The following TLCD2 variants were observed in gnomAD, a reference collection of about 807,000 sequenced individuals.
TLCD2 encodes TLC domain containing 2, also known as TLC domain-containing protein 2.
In TLCD2, 12 loss-of-function variants were observed where a neutral mutation model predicts 14.0. That is an observed-to-expected ratio of 0.86 (90% CI 0.55 to 1.39). The LOEUF (loss-of-function observed/expected upper bound fraction) is 1.39. Among genes scored for constraint, TLCD2 ranks in the 40% most tolerant of loss-of-function variants. TLCD2 has a pLI of 0.00. For synonymous variants in TLCD2, 166 were observed against 156.5 expected (o/e 1.06, Z -0.45); for missense variants, 360 against 346.8 (o/e 1.04, Z -0.30).
At position 1,709,692 on chromosome 17, in the gene TLCD2, A is replaced by G; in HGVS notation, c.260-111T>C. The stretch of plus-strand genomic sequence containing the variant: ...CCAGTTCTTAGTTTTCCCTTGGTAA[A>G]GCCTTCAGGAACGTTTAACCCCCAT... On this transcript the variant is annotated intron_variant, in intron 2 of 3. Coordinates refer to ENST00000330676, the MANE Select transcript of TLCD2 (RefSeq NM_001164407.2). The G allele has an allele frequency of 2.5e-6, 3 of 1,221,132 alleles. No individual in the cohort carries two copies. The Admixed American group carries it at 6.0e-5, about 24-fold the overall frequency. The allele number at this position is 1,221,132 out of a possible 1,614,324, so 75.6% of individuals were successfully genotyped here. A position where few individuals can be genotyped will look rare whatever the true frequency, so the allele number is the denominator to read the frequency against.
At position 1,707,518 on chromosome 17, in the gene TLCD2, T is replaced by G; in HGVS notation, c.*252A>C. Reference sequence around the variant, plus strand: ...TACTGATAGCTCTAGCTGTACCTCTTGAGTTTATTTGCTGGAAAGGATGCT... The same window carrying G: ...TACTGATAGCTCTAGCTGTACCTCTGGAGTTTATTTGCTGGAAAGGATGCT... On this transcript the variant is annotated 3_prime_UTR_variant, in exon 4 of 4. Transcript: ENST00000330676. 2.1e-6 allele frequency: 1 copy of G among 476,040 alleles called. No homozygotes were observed. Among genetic ancestry groups the G allele is most frequent in the Non-Finnish European group, 3.7e-6 (1 of 271,110 alleles). 29.5% of individuals were successfully genotyped at this position (476,040 alleles called of 1,614,324 possible).
Position 1,709,870 on chromosome 17 carries a change from G to C in TLCD2, c.193C>G (p.Gln65Glu), listed in dbSNP as rs573812115. ...CCATGGATGGGGTCGGCGGCCATCTGAGGGTACAGTGACAGGCTGGGGGCA... is the reference window on the plus strand; with the variant it reads ...CCATGGATGGGGTCGGCGGCCATCTCAGGGTACAGTGACAGGCTGGGGGCA... ...GALLGLSLYP[Q>E]MAADPIHGHP... The change falls in exon 2 of 4, where the codon CAG (glutamine) becomes GAG (glutamate). Residue 65 changes from glutamine (Q) to glutamate (E), a missense_variant. By Grantham distance (29) the Gln-to-Glu change is conservative. Transcript: ENST00000330676. 2,333 of 1,534,630 alleles carry C rather than the reference G, an allele frequency of 1.5e-3. 2 individuals are homozygous for C. The highest frequency in any genetic ancestry group is 1.7e-3 in the Admixed American group (87 of 50,972).
intron 3 of TLCD2, 72 bp from the exon 4 acceptor site, chr17:1,708,294 G>A: frequency 1.6e-6 from 2 of 1,215,070 alleles, no homozygotes; most frequent in Non-Finnish European, 2.2e-6. Context: ...ACCCAGGCCT[G>A]AAGAAAGAGG....
Position 1,710,010 on chromosome 17 carries a change from C to T in TLCD2, c.176+57G>A, listed in dbSNP as rs1161762348. On this transcript the variant is annotated intron_variant, in intron 1 of 3. Transcript: ENST00000330676. This position sits in a 1 kb window ranked among gnomAD's most constrained non-coding sequence, Gnocchi z 6.1. ...TGGAGACGCCCGGCGGGTCTCCCGGCCTCAGCCTCCCACCCCTCGCCCTCG... is the reference window on the plus strand; with the variant it reads ...TGGAGACGCCCGGCGGGTCTCCCGGTCTCAGCCTCCCACCCCTCGCCCTCG... 3.4e-5 allele frequency: 51 copies of T among 1,520,280 alleles called. No individual in the cohort carries two copies. The highest frequency in any genetic ancestry group is 4.0e-5 in the Non-Finnish European group (46 of 1,139,492). 94.2% of individuals were successfully genotyped at this position (1,520,280 alleles called of 1,614,324 possible). A position where few individuals can be genotyped will look rare whatever the true frequency, so the allele number is the denominator to read the frequency against.
rs528853454 is a variant in TLCD2 at position 1,705,149 on chromosome 17, T to C, written c.*2621A>G. 6.6e-6 allele frequency: 1 copy of C among 152,464 alleles called. No individual in the cohort carries two copies. Among genetic ancestry groups the C allele is most frequent in the African/African-American group, 2.4e-5 (1 of 41,576 alleles). The allele number at this position is 152,464 out of a possible 1,614,324, so 9.4% of individuals were successfully genotyped here. A position where few individuals can be genotyped will look rare whatever the true frequency, so the allele number is the denominator to read the frequency against. On this transcript the variant is annotated 3_prime_UTR_variant, in exon 4 of 4. Transcript: ENST00000330676. ...CTACCAGTCTCTGCCGACCGGTTAC[T>C]GTCAGCCTGTCTTTAGGGTTTGCGC...
In TLCD2 at chr17:1,705,331, T is replaced by G. The variant is rs983004558; in HGVS notation, c.*2439A>C. 1.3e-5 allele frequency: 2 copies of G among 152,662 alleles called. No homozygotes were observed. The highest frequency in any genetic ancestry group is 4.8e-5 in the African/African-American group (2 of 41,472). 9.5% of individuals were successfully genotyped at this position (152,662 alleles called of 1,614,324 possible). On this transcript the variant is annotated 3_prime_UTR_variant, in exon 4 of 4. Coordinates refer to ENST00000330676, the MANE Select transcript of TLCD2 (RefSeq NM_001164407.2). ...TCTTCTCTGTTCCCACCTCTCCTCT[T>G]GCTCTTCTGATCTCTCTATCTGCCA...
intron 2 of TLCD2, 111 bp downstream of exon 2, chr17:1,709,693 G>T: frequency 2.3e-6 from 2 of 854,146 alleles, no homozygotes; most frequent in East Asian, 5.2e-5. Context: ...CCTTGGTAAA[G>T]CCTTCAGGAA....
In TLCD2 at chr17:1,710,350, C is replaced by T. The variant is rs1038525208; in HGVS notation, c.-108G>A. The T allele has an allele frequency of 5.3e-6, 5 of 942,498 alleles. No individual in the cohort carries two copies. Among genetic ancestry groups the T allele is most frequent in the Non-Finnish European group, 7.4e-6 (5 of 674,588 alleles). The allele number at this position is 942,498 out of a possible 1,614,324, so 58.4% of individuals were successfully genotyped here. A position where few individuals can be genotyped will look rare whatever the true frequency, so the allele number is the denominator to read the frequency against. ...CCCGGCAGGGCTGGGGCCCCGGCTC[C>T]CCTCCCCGCCGCGCCTTTGGGATCA... On this transcript the variant is annotated 5_prime_UTR_variant, in exon 1 of 4. Coordinates refer to ENST00000330676, the MANE Select transcript of TLCD2 (RefSeq NM_001164407.2). The surrounding 1 kb of genome is among the most constrained non-coding windows in gnomAD (Gnocchi z 6.1).
In TLCD2 at chr17:1,708,203, G is replaced by A. The variant is rs1914099552; in HGVS notation, c.362C>T (p.Thr121Ile). The A allele has an allele frequency of 1.3e-6, 2 of 1,528,274 alleles. No homozygotes were observed. The highest frequency in any genetic ancestry group is 1.8e-6 in the Non-Finnish European group (2 of 1,141,582). The allele number at this position is 1,528,274 out of a possible 1,614,324, so 94.7% of individuals were successfully genotyped here. ...HHLVVVSCLS[T>I]AVLSGHYVGF... is the part of the protein sequence containing the mutation. ...CACGTAGTGGCCAGACAGAACAGCGGTGCTGAGGCAGCTCACCACCTGGGA... is the reference window on the plus strand; with the variant it reads ...CACGTAGTGGCCAGACAGAACAGCGATGCTGAGGCAGCTCACCACCTGGGA... The change falls in exon 4 of 4, where the codon ACC becomes ATC. Residue 121 changes from threonine to isoleucine, a missense_variant. Thr to Ile is a moderately conservative substitution (Grantham distance 89, BLOSUM62 -1). Transcript: ENST00000330676.
Position 1,708,064 on chromosome 17 carries a change from C to T in TLCD2, c.501G>A (p.Trp167Ter), listed in dbSNP as rs1318918572. The T allele has an allele frequency of 3.9e-6, 6 of 1,537,102 alleles. No individual in the cohort carries two copies. Among genetic ancestry groups the T allele is most frequent in the Admixed American group, 3.9e-5 (2 of 50,974 alleles). ...APSLAFSVTS[W>*]ASLATLALFR... ...AGAGGGCCAAGGTGGCCAAGGAGGC[C>T]CAGCTGGTCACGCTGAAGGCCAGGG... Residue 167 changes from tryptophan to a stop codon, truncating the protein, a stop_gained, in exon 4 of 4, where the codon TGG (tryptophan) becomes TGA (stop). Coordinates refer to ENST00000330676, the MANE Select transcript of TLCD2 (RefSeq NM_001164407.2). LOFTEE classifies it low-confidence loss of function (END_TRUNC).
Position 1,709,794 on chromosome 17 carries a change from G to A in TLCD2, c.259+10C>T, listed in dbSNP as rs774922903. 1 of 1,499,160 alleles carries A rather than the reference G, an allele frequency of 6.7e-7. No homozygotes were observed. The highest frequency in any genetic ancestry group is 1.2e-5 in the South Asian group (1 of 83,290). 92.9% of individuals were successfully genotyped at this position (1,499,160 alleles called of 1,614,324 possible). A position where few individuals can be genotyped will look rare whatever the true frequency, so the allele number is the denominator to read the frequency against. On this transcript the variant is annotated intron_variant, in intron 2 of 3. Coordinates refer to ENST00000330676, the MANE Select transcript of TLCD2 (RefSeq NM_001164407.2). ...CCCCACCACCGGCCCAGCCTTCCCT[G>A]CAGACTCACCCACAGACACAGCCAC...
intron 2 of TLCD2, 56 bp from the exon 3 acceptor site, chr17:1,709,637 G>T: frequency 2.0e-6 from 3 of 1,466,986 alleles, no homozygotes; most frequent in Non-Finnish European, 2.8e-6. Context: ...GCTTAGAGAG[G>T]ATTTCCAGCC....
At position 1,708,090 on chromosome 17, in the gene TLCD2, A is replaced by T. The variant is rs771884211; in HGVS notation, c.475T>A (p.Ser159Thr). The T allele has an allele frequency of 6.6e-5, 102 of 1,537,134 alleles. 2 individuals carry two copies. In the South Asian group the frequency reaches 1.2e-3, roughly 18 times the overall value. The change falls in exon 4 of 4, where the codon TCC becomes ACC. Residue 159 changes from serine (S) to threonine (T), a missense_variant. By Grantham distance (58) the Ser-to-Thr change is moderately conservative. Transcript: ENST00000330676. ...KLLLLSRQAP[S>T]LAFSVTSWAS... Reference sequence around the variant, plus strand: ...CAGCTGGTCACGCTGAAGGCCAGGGATGGGGCCTGGCGAGAAAGCAACAGC... The same window carrying T: ...CAGCTGGTCACGCTGAAGGCCAGGGTTGGGGCCTGGCGAGAAAGCAACAGC...
At chr17:1,709,157 A>C (rs1182461454) in intron 3 of TLCD2, among the ~76,000 whole-genome samples, 1 of 152,066 alleles carries the variant, frequency 6.6e-6, no homozygotes, top group East Asian at 1.9e-4. Context: ...GGAAGGCTGA[A>C]GTGGGCGGAT....
rs767067950 is a variant in TLCD2 at position 1,707,525 on chromosome 17, A to C, written c.*245T>G. On this transcript the variant is annotated 3_prime_UTR_variant, in exon 4 of 4. Transcript: ENST00000330676. ...AGCTCTAGCTGTACCTCTTGAGTTT[A>C]TTTGCTGGAAAGGATGCTCATCTGA... is the stretch of plus-strand genomic sequence containing the variant. The C allele has an allele frequency of 2.1e-6, 1 of 475,952 alleles. No homozygotes were observed. Among genetic ancestry groups the C allele is most frequent in the African/African-American group, 2.0e-5 (1 of 50,624 alleles). The allele number at this position is 475,952 out of a possible 1,614,324, so 29.5% of individuals were successfully genotyped here.
rs1291497758 is a variant in TLCD2, at chr17:1,707,797, G to A, written c.768C>T (p.Asn256=). ...AGTCTTTCAGGCTGAGAGTCGAACT[G>A]TTGCTGGTGACAGGTCCATTGTCAC... ...TRRDNGPVTS[N]SSTLSLKD is the part of the protein sequence containing the mutation. Residue 256 remains asparagine (N), a synonymous_variant, in exon 4 of 4, where the codon AAC becomes AAT. Coordinates refer to ENST00000330676, the MANE Select transcript of TLCD2 (RefSeq NM_001164407.2). The A allele has an allele frequency of 5.3e-6, 8 of 1,508,460 alleles. No homozygotes were observed. The highest frequency in any genetic ancestry group is 4.1e-5 in the Admixed American group (2 of 48,800). 93.4% of individuals were successfully genotyped at this position (1,508,460 alleles called of 1,614,324 possible).
intron 3 of TLCD2, among the ~76,000 whole-genome samples, chr17:1,708,654 T>G (rs1268022417): frequency 6.6e-6 from 1 of 151,944 alleles, no homozygotes; most frequent in Non-Finnish European, 1.5e-5. Context: ...ACCCAGGTAA[T>G]TTTTGTATTT....
rs1298826079 is a variant in TLCD2, at chr17:1,705,731, T to G, written c.*2039A>C. 2 of 151,990 alleles carry G rather than the reference T, an allele frequency of 1.3e-5. No individual in the cohort carries two copies. The highest frequency in any genetic ancestry group is 3.9e-4 in the East Asian group (2 of 5,190). The allele number at this position is 151,990 out of a possible 1,614,324, so 9.4% of individuals were successfully genotyped here. A position where few individuals can be genotyped will look rare whatever the true frequency, so the allele number is the denominator to read the frequency against. On this transcript the variant is annotated 3_prime_UTR_variant, in exon 4 of 4. Coordinates refer to ENST00000330676, the MANE Select transcript of TLCD2 (RefSeq NM_001164407.2). ...TTAGCAAGGTTTTTGTTTTGTTTTG[T>G]TTTTTTTTGAAGACAATCTTCCTGT...
intron 3 of TLCD2, among the ~76,000 whole-genome samples, chr17:1,708,987 T>C (rs1433447906): frequency 6.6e-6 from 1 of 152,182 alleles, no homozygotes; most frequent in African/African-American, 2.4e-5. Context: ...GGTGGGTATC[T>C]GGACTCCCCA....
Sources: gnomAD v4.1 joint callset for allele counts (sites outside exome capture counted in the v4.1 genomes callset) on GRCh38, gnomAD v4.1.1 for gene constraint, Gnocchi (gnomAD v3.1) non-coding constraint, MANE v1.5 for transcripts, NCBI Gene and HGNC (gene_info 2026-07-23, HGNC 2026-07-21) for gene names.